TTC8: variants seen among roughly 807,000 people sequenced by gnomAD.
TTC8 encodes tetratricopeptide repeat domain 8.
A neutral mutation model predicts 72.5 loss-of-function variants in TTC8; 47 were observed. That is an observed-to-expected ratio of 0.65 (90% CI 0.51 to 0.83). The LOEUF is 0.83. Ranked by LOEUF, TTC8 falls within the 40% of genes least tolerant of loss-of-function variation. TTC8 has a pLI of 0.00. For synonymous variants in TTC8, 199 were observed against 221.4 expected (o/e 0.90, Z 0.90); for missense variants, 611 against 623.2 (o/e 0.98, Z 0.21).
chr14:88,839,537 T>C lies in TTC8; in HGVS notation c.230T>C (p.Met77Thr). Residue 77 changes from methionine (M) to threonine (T), a missense_variant, in exon 3 of 15, where the codon ATG (methionine) becomes ACG (threonine). Physicochemically the swap from Met to Thr is moderately conservative, Grantham distance 81. Coordinates refer to ENST00000380656, the MANE Select transcript of TTC8 (RefSeq NM_144596.4). ...GTAGATCAGGAAGGAATTGCAGAAA[T>C]GATGCTGGATGAAAATGCTATAGCT... Reference protein sequence around the residue: ...IDVDQEGIAEMMLDENAIAQV... With the variant: ...IDVDQEGIAETMLDENAIAQV... 6.2e-7 allele frequency: 1 copy of C among 1,613,286 alleles called. No individual in the cohort carries two copies. The highest frequency in any genetic ancestry group is 1.3e-5 in the African/African-American group (1 of 75,002).
intron 1 of TTC8, among the ~76,000 whole-genome samples, chr14:88,829,658 C>G (rs976500608): frequency 6.6e-6 from 1 of 152,146 alleles, no homozygotes; most frequent in Non-Finnish European, 1.5e-5. Context: ...GGGAGAAAGA[C>G]TTTTTTCTAA....
chr14:88,861,141 T>A, intron 9 of TTC8, 81 bp from the exon 10 acceptor site: 1 of 1,060,900 alleles, frequency 9.4e-7, no homozygotes, highest in Non-Finnish European at 1.4e-6. Flanking sequence ...GATAATTTGT[T>A]ACTAATCAAT....
At position 88,841,461 on chromosome 14, in the gene TTC8, A is replaced by C. The variant is rs1228581352; in HGVS notation, c.526A>C (p.Asn176His). 6.2e-7 allele frequency: 1 copy of C among 1,613,730 alleles called. No individual in the cohort carries two copies. Among genetic ancestry groups the C allele is most frequent in the East Asian group, 2.2e-5 (1 of 44,784 alleles). The change falls in exon 6 of 15, where the codon AAT (asparagine) becomes CAT (histidine). Residue 176 changes from asparagine to histidine, a missense_variant. By Grantham distance (68) the Asn-to-His change is moderately conservative. Transcript: ENST00000380656. The stretch of plus-strand genomic sequence containing the variant: ...TACAAGTCCTGATGGACCATTTATA[A>C]ATTTATCTAGGCTGAATTTAACAAA... ...MLTSPDGPFI[N>H]LSRLNLTKYS...
chr14:88,855,884 C>G (rs946110834), intron 8 of TTC8, among the ~76,000 whole-genome samples: 13 of 152,112 alleles, frequency 8.5e-5, no homozygotes, highest in South Asian at 2.1e-4. Context: ...AGTTGGCAGC[C>G]AGCCTTGGCA....
At chr14:88,861,926 G>GA (rs2094887577) in intron 10 of TTC8, among the ~76,000 whole-genome samples, 1 of 152,138 alleles carries the variant, frequency 6.6e-6, no homozygotes, top group Admixed American at 6.5e-5. Flanking sequence ...TGGCTATTGT[G>GA]AATAGTGCTG....
chr14:88,850,196 T>C lies in TTC8; in HGVS notation c.625-2775T>C, dbSNP rs1378849907. Among the ~76,000 whole-genome samples, 3 of 152,244 alleles carry C rather than the reference T, an allele frequency of 2.0e-5. No homozygotes were observed. The East Asian group carries it at 5.8e-4, about 29-fold the overall frequency. ...TAAAAATTTTAAGGTTAATAGCTTTTAATTATGAATCTTATTACTATGACA... is the reference window on the plus strand; with the variant it reads ...TAAAAATTTTAAGGTTAATAGCTTTCAATTATGAATCTTATTACTATGACA... On this transcript the variant is annotated intron_variant, in intron 7 of 14. Coordinates refer to ENST00000380656, the MANE Select transcript of TTC8 (RefSeq NM_144596.4).
At chr14:88,868,487 A>G (rs548360808) in intron 10 of TTC8, among the ~76,000 whole-genome samples, 56 of 152,324 alleles carry the variant, frequency 3.7e-4, no homozygotes, top group African/African-American at 1.3e-3. Flanking sequence ...CTTGTTTATT[A>G]ATTTTTCAGT....
rs545576078 is a variant in TTC8, at chr14:88,852,869, A to G, written c.625-102A>G. 389 of 1,038,220 alleles carry G rather than the reference A, an allele frequency of 3.7e-4. 4 individuals are homozygous for G. The South Asian group carries it at 5.0e-3, about 13-fold the overall frequency. The allele number at this position is 1,038,220 out of a possible 1,614,324, so 64.3% of individuals were successfully genotyped here. On this transcript the variant is annotated intron_variant, in intron 7 of 14. Transcript: ENST00000380656. The stretch of plus-strand genomic sequence containing the variant: ...AGTTTCTGTCGGATTTCTAATGCAC[A>G]TTTTGATTGGTGCTAATTATATGGT...
intron 7 of TTC8, among the ~76,000 whole-genome samples, chr14:88,850,220 C>T (rs954846026): frequency 6.6e-5 from 10 of 152,170 alleles, no homozygotes; most frequent in African/African-American, 1.9e-4. Flanking sequence ...ATTACTATGA[C>T]AATTTTGTTT....
At chr14:88,864,115 G>T (rs1161940071) in intron 10 of TTC8, among the ~76,000 whole-genome samples, 1 of 152,112 alleles carries the variant, frequency 6.6e-6, no homozygotes, top group African/African-American at 2.4e-5. Context: ...ATACCTAGGT[G>T]ATAGTATATG....
Position 88,846,686 on chromosome 14 carries a change from T to A in TTC8, c.624+2836T>A, listed in dbSNP as rs774826560. On this transcript the variant is annotated intron_variant, in intron 7 of 14. Transcript: ENST00000380656. ...CACATTGAAAAAAATGTAAGATTTA[T>A]TCCCTGCACTACTGCACTTAATATT... The A allele has an allele frequency of 1.7e-5, 23 of 1,324,192 alleles. No homozygotes were observed. The South Asian group carries it at 2.9e-4, about 17-fold the overall frequency. 82.0% of individuals were successfully genotyped at this position (1,324,192 alleles called of 1,614,324 possible).
At chr14:88,861,192 T>C (rs2094884364) in intron 9 of TTC8, 30 bp from the exon 10 acceptor site, 2 of 1,431,106 alleles carry the variant, frequency 1.4e-6, no homozygotes, top group Admixed American at 1.7e-5. Flanking sequence ...TAAGAACCTA[T>C]ACTTTTATTG....
At chr14:88,844,156 A>G (rs2094794891) in intron 7 of TTC8, among the ~76,000 whole-genome samples, 1 of 152,144 alleles carries the variant, frequency 6.6e-6, no homozygotes, top group African/African-American at 2.4e-5. Flanking sequence ...GGTGTTGTTG[A>G]TCTGTTTATT....
intron 6 of TTC8, among the ~76,000 whole-genome samples, chr14:88,842,651 A>G (rs1301876694): frequency 2.6e-5 from 4 of 152,130 alleles, no homozygotes; most frequent in Non-Finnish European, 5.9e-5. Context: ...ATTTTTCTCA[A>G]TTAAATTAAG....
At chr14:88,862,972 T>C (rs1479135432) in intron 10 of TTC8, among the ~76,000 whole-genome samples, 2 of 150,624 alleles carry the variant, frequency 1.3e-5, no homozygotes, top group Non-Finnish European at 3.0e-5. Context: ...TTGGTTTTCC[T>C]GGCCCTTTGC....
intron 2 of TTC8, among the ~76,000 whole-genome samples, chr14:88,835,841 T>TA (rs966060314): frequency 8.6e-5 from 13 of 151,598 alleles, no homozygotes; most frequent in African/African-American, 1.2e-4. Flanking sequence ...GTTTCCAAAG[T>TA]AAAAAAAAAT....
chr14:88,837,478 C>A (rs184813639), intron 2 of TTC8, among the ~76,000 whole-genome samples: 9 of 152,240 alleles, frequency 5.9e-5, no homozygotes, highest in East Asian at 1.9e-4. Context: ...TGATTTACTC[C>A]TCTTTGTATA....
At chr14:88,854,971 G>A (rs1366684674) in intron 8 of TTC8, among the ~76,000 whole-genome samples, 1 of 152,184 alleles carries the variant, frequency 6.6e-6, no homozygotes, top group African/African-American at 2.4e-5. Flanking sequence ...ATAGGCATTA[G>A]CCATTGAATC....
intron 9 of TTC8, among the ~76,000 whole-genome samples, chr14:88,858,808 G>C (rs1262118279): frequency 9.0e-6 from 1 of 111,698 alleles, no homozygotes; most frequent in Non-Finnish European, 1.7e-5. Flanking sequence ...TTGCTGTGTT[G>C]ATAGGCTGGT....
Sources: allele counts gnomAD v4.1 joint callset (sites outside exome capture counted in the v4.1 genomes callset), GRCh38; gene constraint gnomAD v4.1.1; transcripts MANE v1.5; gene names NCBI Gene and HGNC (gene_info 2026-07-23, HGNC 2026-07-21).